Variants in LRRC74A observed in about 807,000 individuals in gnomAD.
LRRC74A encodes the protein leucine rich repeat containing 74A.
In LRRC74A, 44 loss-of-function variants were observed where a neutral mutation model predicts 57.9. The observed-to-expected ratio is 0.76, with a 90% CI of 0.60 to 0.98. LRRC74A has a LOEUF of 0.98. Among genes scored for constraint, LRRC74A ranks in the 50% least tolerant of loss-of-function variants. LRRC74A has a pLI of 0.00. For missense variants in LRRC74A, 572 were observed against 574.0 expected (o/e 1.00, Z 0.04); for synonymous variants, 211 against 219.4 (o/e 0.96, Z 0.34).
At chr14:76,854,470 G>A (rs1897741945) in intron 9 of LRRC74A, among the ~76,000 whole-genome samples, 1 of 152,304 alleles carries the variant, frequency 6.6e-6, no homozygotes, top group South Asian at 2.1e-4. Flanking sequence ...AGCCAGGCGT[G>A]ATTGTGCATG....
intron 12 of LRRC74A, among the ~76,000 whole-genome samples, chr14:76,866,852 TCA>T (rs1898843085): frequency 6.7e-6 from 1 of 149,926 alleles, no homozygotes; most frequent in African/African-American, 2.5e-5. Flanking sequence ...TGCTGTGGAA[TCA>T]GTTTCCCCTG....
chr14:76,826,728 A>G lies in LRRC74A; in HGVS notation c.31A>G (p.Thr11Ala), dbSNP rs1353972310. ...CAATGACAAGCCTCTTCAGCCTGAG[A>G]CAGAAGGTGAAAGGGCATCCCATCT... MDNDKPLQPE[T>A]EDEIEIEPVR... Residue 11 changes from threonine (T) to alanine (A), a missense_variant, in exon 1 of 14, where the codon ACA becomes GCA. Thr to Ala is a moderately conservative substitution (Grantham distance 58). Transcript: ENST00000689127. The G allele has an allele frequency of 6.6e-7, 1 of 1,520,114 alleles. No individual in the cohort carries two copies. Among genetic ancestry groups the G allele is most frequent in the South Asian group, 1.2e-5 (1 of 83,422 alleles). The allele number at this position is 1,520,114 out of a possible 1,614,324, so 94.2% of individuals were successfully genotyped here.
At chr14:76,843,319 A>C (rs993738387) in intron 5 of LRRC74A, among the ~76,000 whole-genome samples, 4 of 148,864 alleles carry the variant, frequency 2.7e-5, no homozygotes, top group African/African-American at 1.0e-4. Flanking sequence ...AAAAAAAAAA[A>C]AAAACTTGTT....
chr14:76,866,770 C>A (rs2140314868), intron 12 of LRRC74A, among the ~76,000 whole-genome samples: 1 of 151,736 alleles, frequency 6.6e-6, no homozygotes, highest in East Asian at 2.0e-4. Context: ...TGCCTTATTG[C>A]CCCCAAAAAG....
At chr14:76,850,833 A>C (rs1897415775) in intron 7 of LRRC74A, among the ~76,000 whole-genome samples, 1 of 145,970 alleles carries the variant, frequency 6.9e-6, no homozygotes, top group Admixed American at 7.2e-5. Context: ...GTCAAGGGCA[A>C]AACTCTGTCT....
intron 11 of LRRC74A, 128 bp from the exon 12 acceptor site, chr14:76,865,840 G>T: frequency 1.4e-6 from 1 of 711,158 alleles, no homozygotes; most frequent in Non-Finnish European, 2.4e-6. Context: ...TCCTCACCTT[G>T]GCCTTCTGCC....
At chr14:76,861,186 T>G (rs1269455408) in intron 11 of LRRC74A, among the ~76,000 whole-genome samples, 1 of 152,210 alleles carries the variant, frequency 6.6e-6, no homozygotes, top group Non-Finnish European at 1.5e-5. Context: ...ACCTGCAGAA[T>G]GGACACAACA....
At chr14:76,868,490 A>G (rs967741939) in intron 13 of LRRC74A, among the ~76,000 whole-genome samples, 6 of 152,152 alleles carry the variant, frequency 3.9e-5, no homozygotes, top group African/African-American at 1.4e-4. Context: ...AGAAAAGAAA[A>G]GCAGCCAAAT....
At chr14:76,868,041 C>A (rs761065323) in intron 13 of LRRC74A, among the ~76,000 whole-genome samples, 9 of 152,218 alleles carry the variant, frequency 5.9e-5, no homozygotes, top group Non-Finnish European at 1.2e-4. Context: ...CATAATAAGT[C>A]CCCGCCACAT....
intron 7 of LRRC74A, among the ~76,000 whole-genome samples, chr14:76,849,815 A>C (rs12432383): frequency 2.1e-5 from 3 of 144,034 alleles, no homozygotes; most frequent in Admixed American, 1.4e-4. Flanking sequence ...AAAAAAAAAA[A>C]CCCAAAAAAC....
intron 4 of LRRC74A, among the ~76,000 whole-genome samples, 178 bp from the exon 5 acceptor site, chr14:76,837,697 C>T (rs941006533): frequency 3.9e-5 from 6 of 152,226 alleles, no homozygotes; most frequent in East Asian, 1.9e-4. Flanking sequence ...GGCTCTAGAG[C>T]CCGGTTTCCT....
intron 1 of LRRC74A, 97 bp downstream of exon 1, chr14:76,826,831 C>A: frequency 1.3e-6 from 1 of 761,906 alleles, no homozygotes; most frequent in Non-Finnish European, 2.1e-6. Flanking sequence ...CTTCTTTCCT[C>A]ACCTGGGACC....
chr14:76,828,811 T>C (rs1895772715), intron 2 of LRRC74A: 3 of 411,998 alleles, frequency 7.3e-6, no homozygotes, highest in South Asian at 1.8e-5. Flanking sequence ...AAAGAGATTA[T>C]AGGCATTGCC....
Position 76,840,793 on chromosome 14 carries a change from C to G in LRRC74A, c.544+2822C>G, listed in dbSNP as rs184659656. On this transcript the variant is annotated intron_variant, in intron 5 of 13. Coordinates refer to ENST00000689127, the MANE Select transcript of LRRC74A (RefSeq NM_001385106.1). Reference sequence around the variant, plus strand: ...AGAGACGGGGTTTCACCGTGTTAGCCAGGATGGTCTTGATCTCCTGACCTC... The same window carrying G: ...AGAGACGGGGTTTCACCGTGTTAGCGAGGATGGTCTTGATCTCCTGACCTC... 9.9e-3 allele frequency among the ~76,000 whole-genome samples: 1,510 copies of G among 152,014 alleles called. 26 individuals are homozygous for G. Among genetic ancestry groups the G allele is most frequent in the African/African-American group, 0.034 (1,408 of 41,498 alleles).
At chr14:76,858,991 A>G (rs1008612415) in intron 10 of LRRC74A, among the ~76,000 whole-genome samples, 2 of 152,160 alleles carry the variant, frequency 1.3e-5, no homozygotes, top group African/African-American at 4.8e-5. Flanking sequence ...ATTGTCAAAC[A>G]TAGCTGCTTT....
intron 5 of LRRC74A, 34 bp from the exon 6 acceptor site, chr14:76,844,389 G>A (rs372166663): frequency 1.3e-6 from 2 of 1,598,624 alleles, no homozygotes; most frequent in South Asian, 2.2e-5. Flanking sequence ...CCATGGTCTA[G>A]CAGTGCATCA....
intron 2 of LRRC74A, among the ~76,000 whole-genome samples, chr14:76,829,739 A>T (rs1372578864): frequency 1.3e-5 from 2 of 152,168 alleles, no homozygotes; most frequent in Non-Finnish European, 2.9e-5. Context: ...TGGCACCAAA[A>T]ACTCTGTCCT....
chr14:76,857,161 G>C (rs191854556), intron 9 of LRRC74A, among the ~76,000 whole-genome samples: 1 of 150,540 alleles, frequency 6.6e-6, no homozygotes, highest in African/African-American at 2.4e-5. Context: ...TGGATAAATG[G>C]GTGGGTAGAT....
chr14:76,842,564 C>G (rs1344547326), intron 5 of LRRC74A, among the ~76,000 whole-genome samples: 3 of 152,212 alleles, frequency 2.0e-5, no homozygotes, highest in African/African-American at 7.2e-5. Flanking sequence ...ATTTGAATAA[C>G]TAATCACCTA....
Sources: allele counts gnomAD v4.1 joint callset (sites outside exome capture counted in the v4.1 genomes callset), GRCh38; gene constraint gnomAD v4.1.1; transcripts MANE v1.5; gene names NCBI Gene and HGNC (gene_info 2026-07-23, HGNC 2026-07-21).